The following ZMIZ1 variants were observed in gnomAD, a reference collection of about 807,000 sequenced individuals.
ZMIZ1 encodes the protein zinc finger MIZ domain-containing protein 1.
ZMIZ1 carries 17 observed loss-of-function variants against 113.9 expected under a neutral mutation model. The observed-to-expected ratio is 0.15, with a 90% CI of 0.10 to 0.22. The LOEUF is 0.22. Ranked by LOEUF, ZMIZ1 falls within the 10% of genes least tolerant of loss-of-function variation. ZMIZ1 has a pLI of 1.00. For synonymous variants in ZMIZ1, 607 were observed against 603.1 expected (o/e 1.01, Z -0.09); for missense variants, 1,059 against 1,477.8 (o/e 0.72, Z 4.65).
chr10:79,211,110 C>T (rs1014815820), intron 6 of ZMIZ1, among the ~76,000 whole-genome samples: 3 of 152,132 alleles, frequency 2.0e-5, no homozygotes, highest in Non-Finnish European at 4.4e-5. Flanking sequence ...GGCTTGGTGG[C>T]GGGTAGTGGG....
At chr10:79,167,644 C>T (rs1183085494) in intron 4 of ZMIZ1, among the ~76,000 whole-genome samples, 1 of 152,170 alleles carries the variant, frequency 6.6e-6, no homozygotes, top group Non-Finnish European at 1.5e-5. Flanking sequence ...CAGTAGATTT[C>T]AGTGCTTGAG....
At position 79,312,284 on chromosome 10, in the gene ZMIZ1, G is replaced by A. The variant is rs746496850; in HGVS notation, c.3097-358G>A. Among the ~76,000 whole-genome samples the A allele has an allele frequency of 2.0e-5, 3 of 152,240 alleles. 1 individual carries two copies. Among genetic ancestry groups the A allele is most frequent in the South Asian group, 4.1e-4 (2 of 4,836 alleles). ...CCAGCCCACCTCCTTGTGCTTACAC[G>A]TGAAGCATGTGATTTCAGCTGGGAG... On this transcript the variant is annotated intron_variant, in intron 24 of 24. Coordinates refer to ENST00000334512, the MANE Select transcript of ZMIZ1 (RefSeq NM_020338.4).
At chr10:79,242,455 A>G (rs906360336) in intron 7 of ZMIZ1, among the ~76,000 whole-genome samples, 1 of 152,082 alleles carries the variant, frequency 6.6e-6, no homozygotes, top group African/African-American at 2.4e-5. Flanking sequence ...CAGGGAAGTA[A>G]GATGCCGGGC....
At position 79,162,083 on chromosome 10, in the gene ZMIZ1, C is replaced by T. The variant is rs1846134916; in HGVS notation, c.-100C>T. On this transcript the variant is annotated 5_prime_UTR_variant, in exon 4 of 25. Transcript: ENST00000334512. ...TGGAGCTGGAGTGAGGTGGAGGGGC[C>T]GCAAGCTGCTGACCGGCGTGTGGAA... 7.5e-6 allele frequency: 3 copies of T among 399,322 alleles called. No individual in the cohort carries two copies. Among genetic ancestry groups the T allele is most frequent in the African/African-American group, 2.1e-5 (1 of 48,764 alleles). 24.7% of individuals were successfully genotyped at this position (399,322 alleles called of 1,614,324 possible).
chr10:79,259,103 G>C (rs1393618548), intron 7 of ZMIZ1, among the ~76,000 whole-genome samples: 2 of 152,178 alleles, frequency 1.3e-5, no homozygotes, highest in East Asian at 1.9e-4. Context: ...CTAAATGACT[G>C]GGCCCAAGTG....
intron 7 of ZMIZ1, among the ~76,000 whole-genome samples, chr10:79,239,102 G>A (rs1188696556): frequency 1.3e-5 from 2 of 152,174 alleles, no homozygotes; most frequent in Admixed American, 1.3e-4. Flanking sequence ...AAGGGAGTGG[G>A]GACAGAGAGA....
intron 1 of ZMIZ1, among the ~76,000 whole-genome samples, chr10:79,093,089 C>G (rs986856955): frequency 1.6e-4 from 24 of 150,574 alleles, no homozygotes; most frequent in African/African-American, 5.9e-4. Context: ...GTGGCAGGTC[C>G]AAGCTTCAGA....
At position 79,296,693 on chromosome 10, in the gene ZMIZ1, C is replaced by A. The variant is rs775280543; in HGVS notation, c.1413+40C>A. ...CGCCACCACCCACGGGGCCCCTTCC[C>A]TCCTAACCACCTCACTCCCCTAACT... On this transcript the variant is annotated intron_variant, in intron 13 of 24. Coordinates refer to ENST00000334512, the MANE Select transcript of ZMIZ1 (RefSeq NM_020338.4). The surrounding 1 kb of genome is among the most constrained non-coding windows in gnomAD (Gnocchi z 4.1). 6.6e-7 allele frequency: 1 copy of A among 1,509,764 alleles called. No individual in the cohort carries two copies. Among genetic ancestry groups the A allele is most frequent in the Non-Finnish European group, 8.9e-7 (1 of 1,126,610 alleles). The allele number at this position is 1,509,764 out of a possible 1,614,324, so 93.5% of individuals were successfully genotyped here. A position where few individuals can be genotyped will look rare whatever the true frequency, so the allele number is the denominator to read the frequency against.
At chr10:79,238,234 C>T (rs138927433) in intron 7 of ZMIZ1, among the ~76,000 whole-genome samples, 4 of 152,248 alleles carry the variant, frequency 2.6e-5, no homozygotes, top group Non-Finnish European at 5.9e-5. Context: ...TAGAACTTCT[C>T]GGAGGTACTG....
At chr10:79,247,216 G>C (rs1465100182) in intron 7 of ZMIZ1, among the ~76,000 whole-genome samples, 3 of 152,216 alleles carry the variant, frequency 2.0e-5, no homozygotes, top group Non-Finnish European at 2.9e-5. Context: ...CAGCTTGAGG[G>C]ATGCGAGGAC....
At chr10:79,272,115 A>C (rs922577497) in intron 7 of ZMIZ1, among the ~76,000 whole-genome samples, 2 of 152,114 alleles carry the variant, frequency 1.3e-5, no homozygotes, top group South Asian at 4.2e-4. Flanking sequence ...CCAAAAATAT[A>C]TATATATACA....
intron 8 of ZMIZ1, among the ~76,000 whole-genome samples, chr10:79,286,612 T>G (rs1457711164): frequency 1.3e-5 from 2 of 152,278 alleles, no homozygotes; most frequent in African/African-American, 4.8e-5. Flanking sequence ...CGTGCATCTT[T>G]GCTCTGGGGC....
intron 1 of ZMIZ1, among the ~76,000 whole-genome samples, chr10:79,113,403 C>CT (rs1843835175): frequency 6.6e-6 from 1 of 152,196 alleles, no homozygotes. Flanking sequence ...GGAGGTGCTG[C>CT]TGCCCGGGCA....
At chr10:79,184,554 C>T (rs1338062208) in intron 4 of ZMIZ1, among the ~76,000 whole-genome samples, 2 of 152,222 alleles carry the variant, frequency 1.3e-5, no homozygotes, top group African/African-American at 4.8e-5. Flanking sequence ...ATGCAATCAC[C>T]CGCCCCCTCT....
rs1017002667 is a variant in ZMIZ1, at chr10:79,105,230, C to T, written c.-336-13685C>T. ...GTGTAAAAACTGCTACCACACCAGCCGCAGGTCACAGCGACTCTGCTCTGC... is the reference window on the plus strand; with the variant it reads ...GTGTAAAAACTGCTACCACACCAGCTGCAGGTCACAGCGACTCTGCTCTGC... On this transcript the variant is annotated intron_variant, in intron 1 of 24. Transcript: ENST00000334512. 7.2e-5 allele frequency among the ~76,000 whole-genome samples: 11 copies of T among 152,174 alleles called. No individual in the cohort carries two copies. The East Asian group carries it at 1.9e-3, about 27-fold the overall frequency.
At chr10:79,238,724 T>C (rs1164183753) in intron 7 of ZMIZ1, among the ~76,000 whole-genome samples, 2 of 152,194 alleles carry the variant, frequency 1.3e-5, no homozygotes, top group East Asian at 3.8e-4. Flanking sequence ...TTGAACTGGA[T>C]TGCCAAGTCA....
intron 7 of ZMIZ1, among the ~76,000 whole-genome samples, chr10:79,258,719 A>G (rs1483190693): frequency 6.6e-6 from 1 of 152,154 alleles, no homozygotes; most frequent in Non-Finnish European, 1.5e-5. Context: ...CCCAGCCCAG[A>G]TAGCTCCCCT....
intron 1 of ZMIZ1, among the ~76,000 whole-genome samples, chr10:79,092,362 G>C (rs1206241568): frequency 6.6e-6 from 1 of 152,210 alleles, no homozygotes; most frequent in African/African-American, 2.4e-5. Flanking sequence ...CTAGGACCTG[G>C]GTTTCATTAC....
At chr10:79,178,286 A>G (rs1430376171) in intron 4 of ZMIZ1, among the ~76,000 whole-genome samples, 2 of 152,186 alleles carry the variant, frequency 1.3e-5, no homozygotes, top group East Asian at 1.9e-4. Flanking sequence ...TCAGCCTGCT[A>G]CCAAGGCACT....
Sources: gnomAD v4.1 joint callset for allele counts (sites outside exome capture counted in the v4.1 genomes callset) on GRCh38, gnomAD v4.1.1 for gene constraint, Gnocchi (gnomAD v3.1) non-coding constraint, MANE v1.5 for transcripts, NCBI Gene and HGNC (gene_info 2026-07-23, HGNC 2026-07-21) for gene names.